CYP4Z1: variants seen among roughly 807,000 people sequenced by gnomAD.
CYP4Z1 encodes cytochrome P450 family 4 subfamily Z member 1, also known as cytochrome P450 4Z1.
CYP4Z1 carries 41 observed loss-of-function variants against 54.2 expected under a neutral mutation model. That is an observed-to-expected ratio of 0.76 (90% CI 0.59 to 0.98). The LOEUF is 0.98. Among genes scored for constraint, CYP4Z1 ranks in the 50% least tolerant of loss-of-function variants. The probability of loss-of-function intolerance (pLI) is 0.00; values close to 1 mark genes in which losing one functional copy is unlikely to be tolerated. For missense variants in CYP4Z1, 513 were observed against 599.0 expected, an observed-to-expected ratio of 0.86 and a Z score of 1.50; for synonymous variants, 163 against 206.2, an observed-to-expected ratio of 0.79 and a Z score of 1.79.
intron 9 of CYP4Z1, among the ~76,000 whole-genome samples, chr1:47,114,672 G>A (rs1015429908): frequency 5.9e-5 from 9 of 152,202 alleles, no homozygotes; most frequent in Non-Finnish European, 1.3e-4. Context: ...AGACATTTAT[G>A]CAGCCAACAG....
At chr1:47,098,967 T>C (rs1309303973) in intron 7 of CYP4Z1, 127 bp from the exon 8 acceptor site, 1 of 1,112,952 alleles carries the variant, frequency 9.0e-7, no homozygotes, top group African/African-American at 1.6e-5. Context: ...TAGAAAAATA[T>C]ATGCCAAATT....
At chr1:47,094,933 A>G (rs1644666162) in intron 7 of CYP4Z1, among the ~76,000 whole-genome samples, 1 of 152,148 alleles carries the variant, frequency 6.6e-6, no homozygotes, top group African/African-American at 2.4e-5. Flanking sequence ...GTTTGAACCC[A>G]GGAGGTGGTA....
chr1:47,098,688 A>G (rs535608333), intron 7 of CYP4Z1, among the ~76,000 whole-genome samples: 6 of 152,326 alleles, frequency 3.9e-5, no homozygotes, highest in African/African-American at 1.4e-4. Context: ...TTTAGTTACT[A>G]CATAGTGTCC....
intron 2 of CYP4Z1, among the ~76,000 whole-genome samples, chr1:47,077,204 ACTGT>A (rs1203829485): frequency 2.0e-5 from 3 of 152,044 alleles, no homozygotes; most frequent in Admixed American, 1.3e-4. Flanking sequence ...TAATTTTAGA[ACTGT>A]CTATTTCTCC....
intron 6 of CYP4Z1, among the ~76,000 whole-genome samples, chr1:47,087,965 G>C (rs1377392458): frequency 6.6e-6 from 1 of 152,116 alleles, no homozygotes; most frequent in Admixed American, 6.5e-5. Flanking sequence ...TGTGGTTTTT[G>C]TCTTTGGTTC....
At chr1:47,073,997 T>A (rs1644500526) in intron 2 of CYP4Z1, among the ~76,000 whole-genome samples, 1 of 151,090 alleles carries the variant, frequency 6.6e-6, no homozygotes, top group Non-Finnish European at 1.5e-5. Context: ...GCTTTTACTA[T>A]CATTTTTAAG....
At chr1:47,076,488 C>T (rs1236245470) in intron 2 of CYP4Z1, among the ~76,000 whole-genome samples, 1 of 151,670 alleles carries the variant, frequency 6.6e-6, no homozygotes, top group Admixed American at 6.6e-5. Flanking sequence ...TTTTCATTTT[C>T]ATTTGCCTCA....
intron 4 of CYP4Z1, among the ~76,000 whole-genome samples, chr1:47,084,218 T>A (rs1193740642): frequency 6.6e-6 from 1 of 152,106 alleles, no homozygotes; most frequent in Non-Finnish European, 1.5e-5. Context: ...AAAAAACTTG[T>A]CAAGTACTAA....
intron 7 of CYP4Z1, among the ~76,000 whole-genome samples, chr1:47,097,753 T>A (rs958505451): frequency 2.0e-5 from 3 of 151,960 alleles, no homozygotes; most frequent in Admixed American, 6.6e-5. Flanking sequence ...TTGGTTTGTT[T>A]GTTTGTTTGT....
chr1:47,088,008 C>T (rs907348225), intron 6 of CYP4Z1, among the ~76,000 whole-genome samples: 4 of 152,082 alleles, frequency 2.6e-5, no homozygotes, highest in African/African-American at 7.2e-5. Context: ...GATTGATTTG[C>T]GTATGTTGAA....
upstream of CYP4Z1, among the ~76,000 whole-genome samples, chr1:47,063,613 C>T (rs1644435002): frequency 6.6e-6 from 1 of 151,706 alleles, no homozygotes; most frequent in Non-Finnish European, 1.5e-5. Flanking sequence ...AAAGTCTCAG[C>T]AATAAAATCA....
At chr1:47,094,872 G>A in intron 7 of CYP4Z1, among the ~76,000 whole-genome samples, 1 of 152,172 alleles carries the variant, frequency 6.6e-6, no homozygotes, top group Non-Finnish European at 1.5e-5. Flanking sequence ...GCTGGGCATG[G>A]TGGTGCATGC....
chr1:47,093,260 CAG>C (rs1403414458), intron 6 of CYP4Z1, among the ~76,000 whole-genome samples: 9 of 150,836 alleles, frequency 6.0e-5, no homozygotes, highest in African/African-American at 2.2e-4. Flanking sequence ...AAGGACAAGA[CAG>C]GGGAGCATCC....
chr1:47,106,817 A>G (rs1336526691), intron 9 of CYP4Z1, among the ~76,000 whole-genome samples: 3 of 152,206 alleles, frequency 2.0e-5, no homozygotes, highest in Non-Finnish European at 4.4e-5. Flanking sequence ...TAAGACGTCT[A>G]AGCTGGGTGG....
intron 7 of CYP4Z1, among the ~76,000 whole-genome samples, chr1:47,097,931 TCA>T (rs1239044830): frequency 5.9e-5 from 9 of 151,572 alleles, no homozygotes; most frequent in African/African-American, 2.2e-4. Flanking sequence ...TTCTCATGTC[TCA>T]GTCTCCCGAG....
intron 9 of CYP4Z1, among the ~76,000 whole-genome samples, chr1:47,108,691 T>C (rs10890460): frequency 0.43 from 65,298 of 151,924 alleles, 15,382 homozygotes; most frequent in East Asian, 0.96. Flanking sequence ...TATTAAACAT[T>C]TGCTCTAGGC....
chr1:47,117,918 C>CA lies in CYP4Z1; in HGVS notation c.1509dup (p.Val504SerfsTer10), dbSNP rs759035167. ...TCCAAGAATGGAATCCATGTGTTTG[C>CA]AAAAAAAGTTTGCTAATTTTAAGTC... On this transcript the variant is annotated frameshift_variant, in exon 12 of 12. Transcript: ENST00000334194. LOFTEE classifies it high-confidence loss of function. 47 of 1,609,740 alleles carry CA rather than the reference C, an allele frequency of 2.9e-5. No individual in the cohort carries two copies. The highest frequency in any genetic ancestry group is 6.7e-5 in the East Asian group (3 of 44,802).
Position 47,116,645 on chromosome 1 carries a change from T to A in CYP4Z1, c.1267-5T>A, listed in dbSNP as rs779950670. The stretch of plus-strand genomic sequence containing the variant: ...TTAGGACTGGGATCTTCACTCTCAT[T>A]ACAGGTCTTTAACCCCTTGAGATTC... On this transcript the variant is annotated splice_polypyrimidine_tract_variant and splice_region_variant and intron_variant, in intron 10 of 11. Transcript: ENST00000334194. The A allele has an allele frequency of 6.3e-7, 1 of 1,599,308 alleles. No homozygotes were observed. The highest frequency in any genetic ancestry group is 1.7e-5 in the Admixed American group (1 of 59,818).
At chr1:47,099,032 CA>C in intron 7 of CYP4Z1, 61 bp from the exon 8 acceptor site, 5 of 1,543,728 alleles carry the variant, frequency 3.2e-6, no homozygotes, top group Non-Finnish European at 4.5e-6. Flanking sequence ...ATCATTGCTA[CA>C]ATTGAAAAAG....
Sources: allele counts gnomAD v4.1 joint callset (sites outside exome capture counted in the v4.1 genomes callset), GRCh38; gene constraint gnomAD v4.1.1; transcripts MANE v1.5; gene names NCBI Gene and HGNC (gene_info 2026-07-23, HGNC 2026-07-21).